Variants in ABLIM1 observed in about 807,000 individuals in gnomAD.
ABLIM1 encodes the protein actin binding LIM protein 1.
In ABLIM1, 40 loss-of-function variants were observed where a neutral mutation model predicts 107.0. The ratio of observed to expected loss-of-function variants is 0.37; its 90% CI spans 0.29 to 0.49. The LOEUF is 0.49. Ranked by LOEUF, ABLIM1 falls within the 20% of genes least tolerant of loss-of-function variation. The probability of loss-of-function intolerance (pLI) is 0.97; values close to 1 mark genes in which losing one functional copy is unlikely to be tolerated. For missense variants in ABLIM1, 857 were observed against 1,008.5 expected, an observed-to-expected ratio of 0.85 and a Z score of 2.04; for synonymous variants, 357 against 357.3, an observed-to-expected ratio of 1.00 and a Z score of 0.01.
intron 1 of ABLIM1, among the ~76,000 whole-genome samples, chr10:114,722,610 A>G (rs2081873072): frequency 6.6e-6 from 1 of 152,256 alleles, no homozygotes; most frequent in African/African-American, 2.4e-5. Context: ...ACACACATAA[A>G]TGAACACATT....
upstream of ABLIM1, among the ~76,000 whole-genome samples, chr10:114,687,865 C>G (rs897863920): frequency 6.6e-6 from 1 of 152,164 alleles, no homozygotes; most frequent in African/African-American, 2.4e-5. Context: ...GAAGAAACTT[C>G]TAGACTTTAT....
chr10:114,496,849 C>G (rs1027509624), intron 6 of ABLIM1, among the ~76,000 whole-genome samples: 4 of 152,070 alleles, frequency 2.6e-5, no homozygotes, highest in African/African-American at 9.7e-5. Context: ...GCTTGAGAGG[C>G]TCCAGGGTCA....
intron 1 of ABLIM1, among the ~76,000 whole-genome samples, chr10:114,717,423 T>A (rs1383518831): frequency 6.6e-6 from 1 of 152,170 alleles, no homozygotes; most frequent in East Asian, 1.9e-4. Context: ...TTTTGACATT[T>A]GGGGCTGGAT....
upstream of ABLIM1, among the ~76,000 whole-genome samples, chr10:114,689,370 T>G (rs557164828): frequency 6.0e-5 from 9 of 150,476 alleles, no homozygotes; most frequent in African/African-American, 2.2e-4. Context: ...ATTGGTTTTT[T>G]TTTTTTTTTT....
chr10:114,682,998 T>A (rs1296875704), intron 1 of ABLIM1, among the ~76,000 whole-genome samples: 1 of 152,224 alleles, frequency 6.6e-6, no homozygotes, highest in Non-Finnish European at 1.5e-5. Flanking sequence ...ATTCTAATTT[T>A]ATCACTAGGA....
intron 1 of ABLIM1, among the ~76,000 whole-genome samples, chr10:114,636,088 G>T (rs568371845): frequency 6.6e-6 from 1 of 152,270 alleles, no homozygotes; most frequent in South Asian, 2.1e-4. Context: ...AAATGAGGAA[G>T]GTATTAAGAC....
chr10:114,644,131 A>C (rs201985123), intron 1 of ABLIM1, among the ~76,000 whole-genome samples: 86 of 149,918 alleles, frequency 5.7e-4, no homozygotes, highest in African/African-American at 2.1e-3. Context: ...AATACAAAAA[A>C]TTAGCTGGGC....
At chr10:114,786,959 G>A in the ABLIM1 span, among the ~76,000 whole-genome samples, 8 of 145,430 alleles carry the variant, frequency 5.5e-5, no homozygotes, top group African/African-American at 1.6e-4. Flanking sequence ...GCCGCCCATC[G>A]TCTGGGATGT....
At chr10:114,647,714 T>C (rs2079069126) in intron 1 of ABLIM1, among the ~76,000 whole-genome samples, 1 of 152,184 alleles carries the variant, frequency 6.6e-6, no homozygotes, top group Non-Finnish European at 1.5e-5. Flanking sequence ...GAGCTAGATT[T>C]TTCTGGGCTC....
rs533061725 is a variant in ABLIM1, at chr10:114,572,305, T to C, written c.564-899A>G. Among the ~76,000 whole-genome samples, 11 of 152,374 alleles carry C rather than the reference T, an allele frequency of 7.2e-5. No individual in the cohort carries two copies. The South Asian group carries it at 2.1e-3, about 29-fold the overall frequency. ...ACCACAAATCTTAGTTAGAAGCAAT[T>C]ACTTAAGAGCAAGTACCAGCTTTTT... On this transcript the variant is annotated intron_variant, in intron 3 of 22. Transcript: ENST00000533213.
intron 1 of ABLIM1, among the ~76,000 whole-genome samples, chr10:114,739,951 C>A (rs1399026659): frequency 6.6e-6 from 1 of 151,982 alleles, no homozygotes; most frequent in Non-Finnish European, 1.5e-5. Flanking sequence ...AATATCCTGG[C>A]CTTGAGTATA....
chr10:114,749,530 C>CA (rs1170967393), intron 1 of ABLIM1, among the ~76,000 whole-genome samples: 29 of 151,174 alleles, frequency 1.9e-4, no homozygotes, highest in Non-Finnish European at 2.9e-5. Context: ...TAAACAAGCC[C>CA]AAAGTCACAG....
At position 114,673,577 on chromosome 10, in the gene ABLIM1, C is replaced by T. The variant is rs143300111; in HGVS notation, c.64+10713G>A. On this transcript the variant is annotated intron_variant, in intron 1 of 23. Coordinates refer to the ABLIM1 transcript ENST00000369256. ...GCAGTCTCTGTGGCTCCCAACCCCA[C>T]CACACACACTCTTATTTATCAGCCA... is the stretch of plus-strand genomic sequence containing the variant. 4.9e-3 allele frequency among the ~76,000 whole-genome samples: 739 copies of T among 152,310 alleles called. 2 individuals are homozygous for T. Among genetic ancestry groups the T allele is most frequent in the Non-Finnish European group, 7.4e-3 (506 of 68,034 alleles).
chr10:114,795,143 G>A, the ABLIM1 span, among the ~76,000 whole-genome samples: 1 of 151,844 alleles, frequency 6.6e-6, no homozygotes, highest in African/African-American at 2.4e-5. Context: ...TAAATCAAAG[G>A]GTCACACAAA....
At chr10:114,463,449 C>T (rs960978519) in intron 12 of ABLIM1, among the ~76,000 whole-genome samples, 1 of 151,992 alleles carries the variant, frequency 6.6e-6, no homozygotes, top group Non-Finnish European at 1.5e-5. Context: ...CTCTGTTCAG[C>T]CAGTAGCAGG....
At chr10:114,577,569 A>G (rs2072758664) in intron 2 of ABLIM1, among the ~76,000 whole-genome samples, 1 of 152,216 alleles carries the variant, frequency 6.6e-6, no homozygotes. Flanking sequence ...TTCTTAGGGC[A>G]CCTGTCTGCA....
chr10:114,520,318 C>T lies in ABLIM1; in HGVS notation c.894+24687G>A, dbSNP rs536480601. Among the ~76,000 whole-genome samples the T allele has an allele frequency of 1.6e-4, 25 of 152,224 alleles. No homozygotes were observed. In the South Asian group the frequency reaches 3.1e-3, roughly 19 times the overall value. The stretch of plus-strand genomic sequence containing the variant: ...TGGGGCCAATCAACCTCACAAACAC[C>T]GGTGTCAAGGCAGGTGATGAACAGC... On this transcript the variant is annotated intron_variant, in intron 6 of 22. Transcript: ENST00000533213.
chr10:114,634,993 G>A (rs576136650), intron 1 of ABLIM1, among the ~76,000 whole-genome samples: 78 of 152,240 alleles, frequency 5.1e-4, no homozygotes, highest in Non-Finnish European at 9.8e-4. Flanking sequence ...AAAGCTGCAA[G>A]AAGTGCAGCA....
intron 9 of ABLIM1, 61 bp downstream of exon 9, chr10:114,473,818 G>T: frequency 1.5e-6 from 2 of 1,311,806 alleles, no homozygotes; most frequent in Non-Finnish European, 2.2e-6. Context: ...TACCCATTCT[G>T]CTATTACAAT....
Sources: allele counts gnomAD v4.1 joint callset (sites outside exome capture counted in the v4.1 genomes callset), GRCh38; gene constraint gnomAD v4.1.1; transcripts MANE v1.5; gene names NCBI Gene and HGNC (gene_info 2026-07-23, HGNC 2026-07-21).